MAPK6: variants seen among roughly 807,000 people sequenced by gnomAD.
The protein encoded by MAPK6 is mitogen-activated protein kinase 6.
A neutral mutation model predicts 59.3 loss-of-function variants in MAPK6; 19 were observed. The observed-to-expected ratio is 0.32, with a 90% CI of 0.22 to 0.47. The LOEUF (loss-of-function observed/expected upper bound fraction) is 0.47. Ranked by LOEUF, MAPK6 falls within the 20% of genes least tolerant of loss-of-function variation. The pLI is 1.00. For synonymous variants in MAPK6, 316 were observed against 290.3 expected (o/e 1.09, Z -0.90); for missense variants, 724 against 847.9 (o/e 0.85, Z 1.81).
At chr15:51,976,943 A>G (rs1480869984) in intron 1 of MAPK6, among the ~76,000 whole-genome samples, 2 of 151,726 alleles carry the variant, frequency 1.3e-5, no homozygotes, top group African/African-American at 4.8e-5. Flanking sequence ...ACTCTGTCTC[A>G]AAAAAATAAA....
At chr15:52,063,762 T>C (rs778481703) in intron 5 of MAPK6, 140 bp from the exon 6 acceptor site, 3 of 556,440 alleles carry the variant, frequency 5.4e-6, no homozygotes, top group Non-Finnish European at 8.5e-6. Flanking sequence ...TAAGTTCTGG[T>C]AGGGCAAGGC....
At chr15:52,012,737 C>T (rs1415078078) in intron 3 of MAPK6, among the ~76,000 whole-genome samples, 1 of 151,564 alleles carries the variant, frequency 6.6e-6, no homozygotes, top group Admixed American at 6.6e-5. Flanking sequence ...ACCTGTAATC[C>T]CAGCACTTTG....
chr15:51,991,026 G>A (rs990641542), intron 2 of MAPK6, among the ~76,000 whole-genome samples: 1 of 151,970 alleles, frequency 6.6e-6, no homozygotes, highest in Middle Eastern at 3.2e-3. Context: ...TACTCAGGAG[G>A]CTGAGGTAGG....
chr15:52,003,836 A>G (rs1198657453), intron 2 of MAPK6, among the ~76,000 whole-genome samples: 3 of 152,264 alleles, frequency 2.0e-5, no homozygotes, highest in African/African-American at 7.2e-5. Flanking sequence ...GATGGCCAGA[A>G]GAATTAGTGA....
rs142670170 is a variant in MAPK6, at chr15:52,064,394, A to C, written c.1560A>C (p.Glu520Asp). Residue 520 changes from glutamate (E) to aspartate (D), a missense_variant, in exon 6 of 6, where the codon GAA becomes GAC. By Grantham distance (45) the Glu-to-Asp change is conservative (BLOSUM62 2). Around this residue, in one of 4 missense-constraint regions of MAPK6, gnomAD observed 502 missense variants for 507.6 expected, o/e 0.99. Coordinates refer to ENST00000261845, the MANE Select transcript of MAPK6 (RefSeq NM_002748.4). Reference protein sequence around the residue: ...ASQQLAGKEREKNQGFDFDSF... With the variant: ...ASQQLAGKERDKNQGFDFDSF... ...AGCAACTGGCTGGAAAAGAAAGGGA[A>C]AAGAATCAGGGATTTGATTTTGATT... 367 of 1,611,968 alleles carry C rather than the reference A, an allele frequency of 2.3e-4. No homozygotes were observed. Among genetic ancestry groups the C allele is most frequent in the Admixed American group, 3.8e-4 (23 of 60,008 alleles).
intron 1 of MAPK6, among the ~76,000 whole-genome samples, chr15:52,023,672 C>T (rs1171101641): frequency 2.0e-5 from 3 of 152,254 alleles, no homozygotes; most frequent in Admixed American, 6.5e-5. Flanking sequence ...AGCGCAGTCG[C>T]GCCATCTCGG....
intron 1 of MAPK6, among the ~76,000 whole-genome samples, chr15:52,027,366 A>AAAAAAAAT (rs2030839723): frequency 6.7e-6 from 1 of 149,856 alleles, no homozygotes; most frequent in African/African-American, 2.4e-5. Context: ...AAAAAAAAAA[A>AAAAAAAAT]AAGAAAATGC....
Position 52,058,794 on chromosome 15 carries a change from G to C in MAPK6, c.862G>C (p.Glu288Gln). 6.2e-7 allele frequency: 1 copy of C among 1,610,328 alleles called. No homozygotes were observed. The highest frequency in any genetic ancestry group is 8.5e-7 in the Non-Finnish European group (1 of 1,177,838). The stretch of plus-strand genomic sequence containing the variant: ...TCAGCTGCTTCCAGGAATTAGTCGA[G>C]AAGGTATTGTGACTCGAGAGTAACC... ...LTQLLPGISREALDFLEQILT... is the reference protein window; with the variant it reads ...LTQLLPGISRQALDFLEQILT... The change falls in exon 4 of 6, where the codon GAA becomes CAA. Residue 288 changes from glutamate to glutamine, a missense_variant. Transcript: ENST00000261845.
intron 1 of MAPK6, among the ~76,000 whole-genome samples, chr15:52,040,997 C>G (rs2031400841): frequency 6.6e-6 from 1 of 152,098 alleles, no homozygotes; most frequent in Non-Finnish European, 1.5e-5. Flanking sequence ...TGATCACTCC[C>G]CAAACAACCC....
chr15:52,051,198 C>T (rs1596001713), intron 3 of MAPK6, among the ~76,000 whole-genome samples: 1 of 152,262 alleles, frequency 6.6e-6, no homozygotes, highest in East Asian at 1.9e-4. Flanking sequence ...GCTGGGACTA[C>T]AGGCGCCCGC....
chr15:52,025,721 C>T (rs1246945289), intron 1 of MAPK6, among the ~76,000 whole-genome samples: 1 of 152,042 alleles, frequency 6.6e-6, no homozygotes, highest in African/African-American at 2.4e-5. Context: ...GGCATGAACC[C>T]AGGAGGCGGA....
chr15:52,044,178 G>C lies in MAPK6; in HGVS notation c.-631-1652G>C, dbSNP rs1401424926. 2.0e-5 allele frequency among the ~76,000 whole-genome samples: 3 copies of C among 150,960 alleles called. No individual in the cohort carries two copies. The South Asian group carries it at 6.3e-4, about 32-fold the overall frequency. ...ACAGAATTTTTAGGACTTTTTTTTT[G>C]GGGGGGCGGGCTAGGAGGGCTGATT... On this transcript the variant is annotated intron_variant, in intron 1 of 5. Coordinates refer to ENST00000261845, the MANE Select transcript of MAPK6 (RefSeq NM_002748.4).
chr15:52,058,258 T>TA (rs1188178236), intron 3 of MAPK6, among the ~76,000 whole-genome samples: 1 of 152,216 alleles, frequency 6.6e-6, no homozygotes, highest in East Asian at 1.9e-4. Flanking sequence ...GATGTTGAAA[T>TA]AAAGTCCTAA....
intron 3 of MAPK6, among the ~76,000 whole-genome samples, chr15:52,054,712 GTACA>G (rs1437909698): frequency 6.4e-4 from 80 of 124,276 alleles, no homozygotes; most frequent in African/African-American, 2.4e-3. Context: ...AGGGTAAAGT[GTACA>G]TACATATATC....
At chr15:52,029,800 G>A (rs2030959490) in intron 1 of MAPK6, among the ~76,000 whole-genome samples, 1 of 152,028 alleles carries the variant, frequency 6.6e-6, no homozygotes, top group Non-Finnish European at 1.5e-5. Flanking sequence ...TGCCACCTTA[G>A]TCTCAGCCAC....
intron 3 of MAPK6, among the ~76,000 whole-genome samples, chr15:52,006,556 A>G (rs1208770669): frequency 1.3e-5 from 2 of 152,252 alleles, no homozygotes; most frequent in Non-Finnish European, 2.9e-5. Context: ...TCATTGTGTG[A>G]GAATATCAGC....
chr15:51,989,002 G>A (rs1040086336), intron 2 of MAPK6, among the ~76,000 whole-genome samples: 18 of 151,358 alleles, frequency 1.2e-4, no homozygotes, highest in East Asian at 1.9e-4. Context: ...CTTTGCCTCC[G>A]TCTTCTAAGG....
At chr15:52,048,897 GAAATATTGTGGGTAGAGCACTGTA>G (rs1368954064) in intron 2 of MAPK6, among the ~76,000 whole-genome samples, 7 of 70,218 alleles carry the variant, frequency 1.0e-4, no homozygotes, top group Non-Finnish European at 3.9e-5. Flanking sequence ...CGTCCACAGT[GAAATATTGTGGGTAGAGCACTGTA>G]TCCACAGTGA....
Position 52,064,711 on chromosome 15 carries a change from C to T in MAPK6, c.1877C>T (p.Thr626Ile). Residue 626 changes from threonine to isoleucine, a missense_variant, in exon 6 of 6, where the codon ACT becomes ATT. Around this residue, in one of 4 missense-constraint regions of MAPK6, gnomAD observed 502 missense variants for 507.6 expected, o/e 0.99. Coordinates refer to ENST00000261845, the MANE Select transcript of MAPK6 (RefSeq NM_002748.4). ...CAAGTTGAGAAGGAAAACACTTACA[C>T]TAGTTACTTGGACAAGTTCTTTAGC... ...DEQVEKENTY[T>I]SYLDKFFSRK... 6.2e-7 allele frequency: 1 copy of T among 1,611,812 alleles called. No individual in the cohort carries two copies. The highest frequency in any genetic ancestry group is 8.5e-7 in the Non-Finnish European group (1 of 1,179,756).
Sources: gnomAD v4.1 joint callset for allele counts (sites outside exome capture counted in the v4.1 genomes callset) on GRCh38, gnomAD v4.1.1 for gene constraint, gnomAD v4.1.1 regional missense constraint, MANE v1.5 for transcripts, NCBI Gene and HGNC (gene_info 2026-07-23, HGNC 2026-07-21) for gene names.